RANBP2: variants seen among roughly 807,000 people sequenced by gnomAD.
RANBP2 encodes RAN binding protein 2.
RANBP2 carries 57 observed loss-of-function variants against 303.6 expected under a neutral mutation model. The observed-to-expected ratio is 0.19, with a 90% CI of 0.15 to 0.23. The LOEUF is 0.23. Among genes scored for constraint, RANBP2 ranks in the 10% least tolerant of loss-of-function variants. RANBP2 has a pLI of 1.00. For missense variants in RANBP2, 3,138 were observed against 3,780.8 expected (o/e 0.83, Z 4.46); for synonymous variants, 1,167 against 1,301.5 (o/e 0.90, Z 2.23).
the RANBP2 span, among the ~76,000 whole-genome samples, chr2:109,110,842 C>A: frequency 6.6e-6 from 1 of 152,174 alleles, no homozygotes; most frequent in African/African-American, 2.4e-5. Flanking sequence ...GTCACTCAGG[C>A]CTGACTTGTT....
chr2:109,192,484 T>C, the RANBP2 span, among the ~76,000 whole-genome samples: 5 of 152,232 alleles, frequency 3.3e-5, no homozygotes, highest in African/African-American at 1.2e-4. Context: ...ATTAGCCTGG[T>C]ATACATTTGT....
the RANBP2 span, among the ~76,000 whole-genome samples, chr2:109,034,312 T>C: frequency 2.0e-5 from 3 of 150,562 alleles, no homozygotes; most frequent in Admixed American, 6.6e-5. Flanking sequence ...GTTCAAACTT[T>C]AGAACCAGAA....
the RANBP2 span, among the ~76,000 whole-genome samples, chr2:109,434,454 G>A: frequency 2.6e-5 from 4 of 152,190 alleles, no homozygotes; most frequent in South Asian, 2.1e-4. Context: ...GCTTCCTTGC[G>A]TAGCATTGGG....
Position 108,764,253 on chromosome 2 carries a change from A to C in RANBP2, c.3714A>C (p.Gln1238His), listed in dbSNP as rs757702292. 1 of 1,614,072 alleles carries C rather than the reference A, an allele frequency of 6.2e-7. No homozygotes were observed. The highest frequency in any genetic ancestry group is 2.2e-5 in the East Asian group (1 of 44,884). Residue 1238 changes from glutamine to histidine, a missense_variant, in exon 20 of 29, where the codon CAA (glutamine) becomes CAC (histidine). Physicochemically the swap from Gln to His is conservative, Grantham distance 24. Transcript: ENST00000283195. Reference protein sequence around the residue: ...GKIRLLMRREQVLKICANHYI... With the variant: ...GKIRLLMRREHVLKICANHYI... ...TTCGCCTTCTAATGAGACGAGAGCA[A>C]GTATTGAAAATCTGTGCAAATCATT... is the stretch of plus-strand genomic sequence containing the variant.
the RANBP2 span, among the ~76,000 whole-genome samples, chr2:109,383,051 AG>A: frequency 6.6e-6 from 1 of 152,166 alleles, no homozygotes; most frequent in East Asian, 1.9e-4. Context: ...AGAAGTTTGG[AG>A]GAAACCGGTG....
the RANBP2 span, chr2:109,544,906 G>A: frequency 0.011 from 10,155 of 947,566 alleles, 687 homozygotes; most frequent in African/African-American, 0.15. Flanking sequence ...GATCATACAT[G>A]AGAATTCCTT....
At chr2:109,506,550 G>A in the RANBP2 span, among the ~76,000 whole-genome samples, 1 of 152,238 alleles carries the variant, frequency 6.6e-6, no homozygotes, top group Non-Finnish European at 1.5e-5. Context: ...TTCTCAGATG[G>A]AGGGAAGGGA....
chr2:109,182,872 C>T, the RANBP2 span, among the ~76,000 whole-genome samples: 1 of 152,102 alleles, frequency 6.6e-6, no homozygotes, highest in Non-Finnish European at 1.5e-5. Flanking sequence ...TGCATATTGC[C>T]ATATAAAATT....
At chr2:109,378,858 A>C in the RANBP2 span, among the ~76,000 whole-genome samples, 4 of 152,320 alleles carry the variant, frequency 2.6e-5, no homozygotes, top group South Asian at 8.3e-4. Context: ...TTCTTTCCCC[A>C]GTGCTGGATA....
chr2:108,719,699 C>G (rs1320790628), intron 1 of RANBP2, 21 bp downstream of exon 1: 14 of 1,584,474 alleles, frequency 8.8e-6, no homozygotes, highest in Non-Finnish European at 1.2e-5. Flanking sequence ...CTCGAAGAGA[C>G]CGACGGCCTC....
the RANBP2 span, among the ~76,000 whole-genome samples, chr2:108,926,475 G>A: frequency 1.4e-4 from 22 of 152,254 alleles, no homozygotes; most frequent in Non-Finnish European, 2.4e-4. Flanking sequence ...AAGGGACGCC[G>A]CAGATTCCCA....
the RANBP2 span, among the ~76,000 whole-genome samples, chr2:109,146,462 G>A: frequency 1.3e-5 from 2 of 151,536 alleles, no homozygotes; most frequent in African/African-American, 4.9e-5. Context: ...GGCCTCCAGT[G>A]TGGTGGACAA....
At chr2:109,452,966 G>C in the RANBP2 span, among the ~76,000 whole-genome samples, 1 of 150,984 alleles carries the variant, frequency 6.6e-6, no homozygotes, top group South Asian at 2.1e-4. Flanking sequence ...TCCCTGGGAG[G>C]CTGGTCCCTG....
the RANBP2 span, among the ~76,000 whole-genome samples, chr2:109,696,024 C>A: frequency 6.6e-6 from 1 of 151,946 alleles, no homozygotes; most frequent in Admixed American, 6.6e-5. Context: ...AGTGCAGTGG[C>A]CTGGTCTCAG....
the RANBP2 span, among the ~76,000 whole-genome samples, chr2:109,331,382 T>G: frequency 2.0e-5 from 3 of 152,086 alleles, no homozygotes; most frequent in African/African-American, 7.2e-5. Flanking sequence ...CTCTCTCCCC[T>G]TGTTTTGCAT....
the RANBP2 span, among the ~76,000 whole-genome samples, chr2:109,372,044 G>C: frequency 7.4e-3 from 1,128 of 152,324 alleles, 15 homozygotes; most frequent in African/African-American, 0.026. Context: ...ATGAGCACCA[G>C]AGGGGAAGAA....
the RANBP2 span, chr2:109,449,171 T>C: frequency 5.0e-6 from 8 of 1,613,254 alleles, no homozygotes; most frequent in African/African-American, 9.3e-5. Flanking sequence ...CGTCTCCAGC[T>C]GCCCACTCTG....
At chr2:109,497,445 A>G in the RANBP2 span, among the ~76,000 whole-genome samples, 1 of 152,232 alleles carries the variant, frequency 6.6e-6, no homozygotes, top group East Asian at 1.9e-4. Context: ...TAATGGAATG[A>G]GAATTCATTC....
the RANBP2 span, among the ~76,000 whole-genome samples, chr2:109,403,693 C>T: frequency 6.6e-6 from 1 of 152,196 alleles, no homozygotes; most frequent in Non-Finnish European, 1.5e-5. Context: ...GAGGTGCAGG[C>T]TCCCTCTCTC....
Sources: gnomAD v4.1 joint callset for allele counts (sites outside exome capture counted in the v4.1 genomes callset) on GRCh38, gnomAD v4.1.1 for gene constraint, MANE v1.5 for transcripts, NCBI Gene and HGNC (gene_info 2026-07-23, HGNC 2026-07-21) for gene names.